The following PKHD1 variants were observed in gnomAD, a reference collection of about 807,000 sequenced individuals.
PKHD1 encodes the protein fibrocystin.
A neutral mutation model predicts 412.0 loss-of-function variants in PKHD1; 291 were observed. The ratio of observed to expected loss-of-function variants is 0.71; its 90% CI spans 0.64 to 0.78. PKHD1 has a LOEUF of 0.78. Ranked by LOEUF, PKHD1 falls within the 30% of genes least tolerant of loss-of-function variation. The pLI, the probability that PKHD1 is intolerant of heterozygous loss-of-function variation, is 0.00. For synonymous variants in PKHD1, 1,777 were observed against 1,821.5 expected, an observed-to-expected ratio of 0.98 and a Z score of 0.62; for missense variants, 4,825 against 4,950.7, an observed-to-expected ratio of 0.97 and a Z score of 0.76.
At chr6:51,880,781 A>T (rs1163692758) in intron 46 of PKHD1, among the ~76,000 whole-genome samples, 149 of 8,614 alleles carry the variant, frequency 0.017, 12 homozygotes, top group Non-Finnish European at 0.059. Context: ...AAAAAAATTA[A>T]AAAAAAAAAA....
At chr6:51,978,641 G>C (rs6922676) in intron 35 of PKHD1, among the ~76,000 whole-genome samples, 45,738 of 151,928 alleles carry the variant, frequency 0.3, 7,170 homozygotes, top group East Asian at 0.41. Flanking sequence ...AGGCCGTTTT[G>C]ACATCAGGTG....
At position 52,070,859 on chromosome 6, in the gene PKHD1, T is replaced by C; in HGVS notation, c.667+147A>G. ...TAGTTTCTATATGAGCTGTTTCATATAGTAGTATTTTCCAGGGAATTCTTA... is the reference window on the plus strand; with the variant it reads ...TAGTTTCTATATGAGCTGTTTCATACAGTAGTATTTTCCAGGGAATTCTTA... On this transcript the variant is annotated intron_variant, in intron 9 of 66. Transcript: ENST00000371117. 4.4e-6 allele frequency: 3 copies of C among 685,310 alleles called. No individual in the cohort carries two copies. In the South Asian group the frequency reaches 5.0e-5, roughly 11 times the overall value. 42.5% of individuals were successfully genotyped at this position (685,310 alleles called of 1,614,324 possible).
chr6:51,621,152 C>G (rs200094685), intron 66 of PKHD1, among the ~76,000 whole-genome samples: 1 of 152,122 alleles, frequency 6.6e-6, no homozygotes, highest in African/African-American at 2.4e-5. Context: ...TTATTAGTCA[C>G]CTTTCCTTAT....
chr6:51,897,313 T>G (rs1412973610), intron 43 of PKHD1, among the ~76,000 whole-genome samples: 1 of 151,978 alleles, frequency 6.6e-6, no homozygotes, highest in African/African-American at 2.4e-5. Context: ...ACAGCGGATC[T>G]CTTGGCAGAA....
In PKHD1 at chr6:51,658,992, C is replaced by T. The variant is rs200358765; in HGVS notation, c.11134G>A (p.Ala3712Thr). Residue 3712 changes from alanine (A) to threonine (T), a missense_variant, in exon 61 of 67, where the codon GCC (alanine) becomes ACC (threonine). Coordinates refer to ENST00000371117, the MANE Select transcript of PKHD1 (RefSeq NM_138694.4). Reference protein sequence around the residue: ...LENVLNMTIGALLVTQSKGVI... With the variant: ...LENVLNMTIGTLLVTQSKGVI... ...CCCTTTGACTGAGTAACTAGTAAGG[C>T]CCCGATAGTCATATTCAGAACATTC... 2 of 1,613,022 alleles carry T rather than the reference C, an allele frequency of 1.2e-6. No homozygotes were observed. The highest frequency in any genetic ancestry group is 4.5e-5 in the East Asian group (2 of 44,848).
At chr6:51,858,339 C>T (rs922333968) in intron 48 of PKHD1, among the ~76,000 whole-genome samples, 1 of 152,140 alleles carries the variant, frequency 6.6e-6, no homozygotes, top group African/African-American at 2.4e-5. Context: ...AACCATGAGT[C>T]CCATAATCCC....
intron 45 of PKHD1, among the ~76,000 whole-genome samples, chr6:51,884,915 C>T: frequency 6.6e-6 from 1 of 152,120 alleles, no homozygotes; most frequent in African/African-American, 2.4e-5. Flanking sequence ...TAAATGAGAA[C>T]AAAATACTAA....
intron 50 of PKHD1, among the ~76,000 whole-genome samples, chr6:51,847,332 A>T (rs1771370431): frequency 6.8e-6 from 1 of 148,134 alleles, no homozygotes; most frequent in Non-Finnish European, 1.5e-5. Context: ...AAACTCCTAG[A>T]CTAAAGCACA....
chr6:51,789,325 G>A (rs1024286391), intron 53 of PKHD1, among the ~76,000 whole-genome samples: 8 of 152,156 alleles, frequency 5.3e-5, no homozygotes, highest in East Asian at 1.9e-4. Context: ...ATTATTGAAT[G>A]TTCATTGCAG....
intron 60 of PKHD1, among the ~76,000 whole-genome samples, chr6:51,662,164 T>G (rs1201211277): frequency 6.6e-6 from 1 of 152,016 alleles, no homozygotes; most frequent in South Asian, 2.1e-4. Context: ...GGAAAATTTA[T>G]AGTGTTAAAT....
At chr6:51,653,427 T>C (rs187252357) in intron 61 of PKHD1, among the ~76,000 whole-genome samples, 6 of 152,238 alleles carry the variant, frequency 3.9e-5, no homozygotes, top group South Asian at 4.1e-4. Flanking sequence ...CATGTTGTTA[T>C]AGTAACACTT....
Position 52,024,563 on chromosome 6 carries a change from G to A in PKHD1, c.5236+11C>T, listed in dbSNP as rs1801856474. ...ATAAAGAAAGTGTGCTGTCTTATTT[G>A]CTTGACTTACCGAAGTTCTCCGTCA... On this transcript the variant is annotated intron_variant, in intron 32 of 66. Coordinates refer to ENST00000371117, the MANE Select transcript of PKHD1 (RefSeq NM_138694.4). The A allele has an allele frequency of 1.2e-6, 2 of 1,612,630 alleles. No homozygotes were observed.
intron 48 of PKHD1, among the ~76,000 whole-genome samples, chr6:51,857,527 A>C (rs1773491634): frequency 6.6e-6 from 1 of 152,236 alleles, no homozygotes; most frequent in Non-Finnish European, 1.5e-5. Flanking sequence ...AAATTTCAGC[A>C]CCTATTTAAC....
intron 55 of PKHD1, among the ~76,000 whole-genome samples, chr6:51,766,699 T>TA (rs1005756989): frequency 2.7e-5 from 4 of 148,850 alleles, no homozygotes; most frequent in Non-Finnish European, 5.9e-5. Context: ...TCTTTTTTTT[T>TA]AATTTTGTTA....
rs752176438 is a variant in PKHD1 at position 51,649,145 on chromosome 6, T to C, written c.11250A>G (p.Ser3750=). 1.2e-6 allele frequency: 2 copies of C among 1,612,624 alleles called. No homozygotes were observed. Among genetic ancestry groups the C allele is most frequent in the South Asian group, 1.1e-5 (1 of 91,060 alleles). Residue 3750 remains serine (S), a synonymous_variant, in exon 62 of 67, where the codon TCA becomes TCG. Transcript: ENST00000371117. ...PYALSILVQP[S]DGEVGNELPV... is the part of the protein sequence containing the mutation. Reference sequence around the variant, plus strand: ...GAAGCTCATTTCCCACTTCTCCATCTGAAGGCTGGACTAGGATGGAAAGTG... The same window carrying C: ...GAAGCTCATTTCCCACTTCTCCATCCGAAGGCTGGACTAGGATGGAAAGTG...
chr6:51,863,673 T>C (rs547207266), intron 48 of PKHD1, among the ~76,000 whole-genome samples: 184 of 152,178 alleles, frequency 1.2e-3, no homozygotes, highest in African/African-American at 1.6e-3. Flanking sequence ...CCAGAGAAGA[T>C]TATGAAAGAA....
At chr6:51,806,946 G>A (rs879637517) in intron 52 of PKHD1, among the ~76,000 whole-genome samples, 1 of 152,026 alleles carries the variant, frequency 6.6e-6, no homozygotes, top group Non-Finnish European at 1.5e-5. Context: ...AAGGGGTGCT[G>A]CAATTTACAT....
At position 51,638,879 on chromosome 6, in the gene PKHD1, G is replaced by T. The variant is rs760056303; in HGVS notation, c.11476C>A (p.His3826Asn). The change falls in exon 64 of 67, where the codon CAC becomes AAC. Residue 3826 changes from histidine (H) to asparagine (N), a missense_variant. By Grantham distance (68) the His-to-Asn change is moderately conservative. Coordinates refer to ENST00000371117, the MANE Select transcript of PKHD1 (RefSeq NM_138694.4). ...GGAGAAGTGACAGTAAAAATAAAGT[G>T]CCAGTTTGACCCAGAGATCAAGACT... ...LAVLISGSNW[H>N]FIFTVTSPPG... The T allele has an allele frequency of 5.9e-5, 95 of 1,610,636 alleles. No individual in the cohort carries two copies. The highest frequency in any genetic ancestry group is 7.6e-5 in the Non-Finnish European group (90 of 1,177,804).
In PKHD1 at chr6:52,028,335, G is replaced by T; in HGVS notation, c.3381C>A (p.Val1127=). The T allele has an allele frequency of 1.2e-6, 2 of 1,613,738 alleles. No homozygotes were observed. The highest frequency in any genetic ancestry group is 1.7e-6 in the Non-Finnish European group (2 of 1,179,980). ...AGTTCATCAGCCTCGCCACTCCAATGACCAGGGTCTCACCGCCTGTGTTGA... is the reference window on the plus strand; with the variant it reads ...AGTTCATCAGCCTCGCCACTCCAATTACCAGGGTCTCACCGCCTGTGTTGA... The part of the protein sequence containing the change: ...ISNIAGGETL[V]IGVARLMNYT... The change falls in exon 30 of 67, where the codon GTC becomes GTA. Residue 1127 remains valine, a synonymous_variant. Coordinates refer to ENST00000371117, the MANE Select transcript of PKHD1 (RefSeq NM_138694.4).
Sources: allele counts gnomAD v4.1 joint callset (sites outside exome capture counted in the v4.1 genomes callset), GRCh38; gene constraint gnomAD v4.1.1; transcripts MANE v1.5; gene names NCBI Gene and HGNC (gene_info 2026-07-23, HGNC 2026-07-21).